ENOSF1: variants seen among roughly 807,000 people sequenced by gnomAD.
The protein encoded by ENOSF1 is enolase superfamily member 1.
ENOSF1 carries 73 observed loss-of-function variants against 68.2 expected under a neutral mutation model. That is an observed-to-expected ratio of 1.07 (90% confidence interval 0.89 to 1.30). The LOEUF (loss-of-function observed/expected upper bound fraction) is 1.30, where lower values mean the gene tolerates loss of function less well. Ranked by LOEUF, ENOSF1 falls within the 50% of genes most tolerant of loss-of-function variation. ENOSF1 has a pLI of 0.00. For synonymous variants in ENOSF1, 223 were observed against 210.4 expected, an observed-to-expected ratio of 1.06 and a Z score of -0.52; for missense variants, 589 against 554.5, an observed-to-expected ratio of 1.06 and a Z score of -0.62.
chr18:696,057 G>C (rs1182118003), intron 3 of ENOSF1, among the ~76,000 whole-genome samples: 2 of 152,080 alleles, frequency 1.3e-5, no homozygotes, highest in East Asian at 3.9e-4. Context: ...TATTGTGTTG[G>C]AATCCTTTCT....
At position 691,228 on chromosome 18, in the gene ENOSF1, C is replaced by A; in HGVS notation, c.472G>T (p.Val158Phe). Reference sequence around the variant, plus strand: ...CCTAGGGCATCCTCCTCAGTCAGGACATCAGTGATGTACCTGAAATCTATG... The same window carrying A: ...CCTAGGGCATCCTCCTCAGTCAGGAAATCAGTGATGTACCTGAAATCTATG... Reference protein sequence around the residue: ...SCIDFRYITDVLTEEDALEIL... With the variant: ...SCIDFRYITDFLTEEDALEIL... The change falls in exon 6 of 16, where the codon GTC becomes TTC. Residue 158 changes from valine to phenylalanine, a missense_variant. Val to Phe is a conservative substitution (Grantham distance 50). Coordinates refer to ENST00000647584, the MANE Select transcript of ENOSF1 (RefSeq NM_017512.7). 6.2e-7 allele frequency: 1 copy of A among 1,614,220 alleles called. No individual in the cohort carries two copies. The highest frequency in any genetic ancestry group is 8.5e-7 in the Non-Finnish European group (1 of 1,180,040).
intron 5 of ENOSF1, chr18:693,580 T>A: frequency 1.0e-6 from 1 of 985,426 alleles, no homozygotes; most frequent in Non-Finnish European, 1.2e-6. Context: ...GTTAGGATGA[T>A]CCTCTTGTCA....
intron 14 of ENOSF1, among the ~76,000 whole-genome samples, chr18:676,219 G>A (rs954225109): frequency 3.3e-5 from 5 of 152,136 alleles, no homozygotes; most frequent in Admixed American, 6.6e-5. Context: ...GACTTCCATC[G>A]CCTGTTATTG....
intron 8 of ENOSF1, 144 bp downstream of exon 8, chr18:690,405 G>A (rs2077023620): frequency 1.2e-6 from 1 of 850,546 alleles, no homozygotes; most frequent in Non-Finnish European, 1.9e-6. Flanking sequence ...ACAGAGAAGT[G>A]GAGAACTGGT....
At chr18:678,245 G>C (rs1397466818) in intron 12 of ENOSF1, 8 of 287,354 alleles carry the variant, frequency 2.8e-5, no homozygotes, top group Non-Finnish European at 5.3e-5. Context: ...CGGCAGAGCA[G>C]TATTGCTCCT....
chr18:669,067 T>A, downstream of ENOSF1: 1 of 1,612,844 alleles, frequency 6.2e-7, no homozygotes, highest in Non-Finnish European at 8.5e-7. Flanking sequence ...TTGACAATTC[T>A]ACAGATTATT....
chr18:693,419 C>A, intron 5 of ENOSF1: 1 of 1,137,296 alleles, frequency 8.8e-7, no homozygotes. Context: ...GGGCTCAAGC[C>A]ATCCTCCAGC....
intron 8 of ENOSF1, among the ~76,000 whole-genome samples, chr18:689,541 CA>C (rs761752652): frequency 1.3e-5 from 2 of 152,146 alleles, no homozygotes; most frequent in Non-Finnish European, 2.9e-5. Flanking sequence ...CTCAGCCTCC[CA>C]AAATGCTAGG....
downstream of ENOSF1, among the ~76,000 whole-genome samples, chr18:670,064 G>C (rs1347137659): frequency 5.7e-5 from 8 of 140,064 alleles, no homozygotes; most frequent in Non-Finnish European, 9.2e-5. Context: ...TTTTTTTTGA[G>C]ACACAGTCTC....
In ENOSF1 at chr18:694,229, C is replaced by CA. The variant is rs2077491726; in HGVS notation, c.396+18_396+19insT. 6.2e-7 allele frequency: 1 copy of CA among 1,612,292 alleles called. No homozygotes were observed. The highest frequency in any genetic ancestry group is 2.2e-5 in the East Asian group (1 of 44,878). Reference sequence around the variant, plus strand: ...GTACAGCTCCCAGGAGCCTCCTGAGCGTTTGTGAGAGGGGTTACCTTTCCC... The same window carrying CA: ...GTACAGCTCCCAGGAGCCTCCTGAGCAGTTTGTGAGAGGGGTTACCTTTCCC... On this transcript the variant is annotated intron_variant, in intron 4 of 15. Coordinates refer to ENST00000647584, the MANE Select transcript of ENOSF1 (RefSeq NM_017512.7).
chr18:678,502 G>T, intron 12 of ENOSF1, 194 bp downstream of exon 12: 2 of 564,906 alleles, frequency 3.5e-6, no homozygotes, highest in Non-Finnish European at 3.2e-6. Flanking sequence ...ATATAAATTG[G>T]AGAAATAGCC....
downstream of ENOSF1, chr18:669,057 T>C: frequency 6.2e-7 from 1 of 1,609,356 alleles, no homozygotes. Context: ...TCCTCTCTTT[T>C]TGACAATTCT....
intron 11 of ENOSF1, among the ~76,000 whole-genome samples, chr18:679,082 T>C (rs994038215): frequency 2.0e-5 from 3 of 152,182 alleles, no homozygotes; most frequent in African/African-American, 7.2e-5. Flanking sequence ...GACAGGGCTA[T>C]TCGGAGTGGC....
Position 672,980 on chromosome 18 carries a change from A to C in ENOSF1, c.*1325T>G, listed in dbSNP as rs2075135895. 1 of 1,571,056 alleles carries C rather than the reference A, an allele frequency of 6.4e-7. No homozygotes were observed. The highest frequency in any genetic ancestry group is 1.3e-5 in the African/African-American group (1 of 74,424). On this transcript the variant is annotated 3_prime_UTR_variant, in exon 16 of 16. Coordinates refer to ENST00000647584, the MANE Select transcript of ENOSF1 (RefSeq NM_017512.7). ...GTACAATCCGCATCCAACTATTAAA[A>C]TGGAAATGGCTGTTTAGGGTGCTTT...
intron 12 of ENOSF1, 38 bp downstream of exon 12, chr18:678,658 C>T: frequency 6.2e-7 from 1 of 1,610,786 alleles, no homozygotes; most frequent in South Asian, 1.1e-5. Flanking sequence ...GTACTGACCC[C>T]AAGGGGACGT....
chr18:670,042 CTT>C (rs1294532735), downstream of ENOSF1, among the ~76,000 whole-genome samples: 8 of 128,612 alleles, frequency 6.2e-5, no homozygotes, highest in South Asian at 5.4e-4. Context: ...GTAATAGAGA[CTT>C]ATTTTTTTTT....
chr18:677,271 G>C (rs892354223), intron 14 of ENOSF1, 74 bp downstream of exon 14: 2 of 1,243,372 alleles, frequency 1.6e-6, no homozygotes, highest in African/African-American at 3.0e-5. Flanking sequence ...TGGTCATGAA[G>C]GCAGAATTTA....
At chr18:665,218 G>C in the ENOSF1 span, among the ~76,000 whole-genome samples, 1 of 151,006 alleles carries the variant, frequency 6.6e-6, no homozygotes, top group African/African-American at 2.4e-5. Flanking sequence ...TCTATTCAGA[G>C]ATTCAACTTC....
In ENOSF1 at chr18:691,100, A is replaced by T. The variant is rs2077112338; in HGVS notation, c.503T>A (p.Leu168Gln). Residue 168 changes from leucine to glutamine, a missense_variant, in exon 7 of 16, where the codon CTG (leucine) becomes CAG (glutamine). Transcript: ENST00000647584. ...TTTTTTACCAATTTGACCTTTCTGC[A>T]GTATTTCTGGAAGAAATAAAAAGCA... The part of the protein sequence containing the change: ...VLTEEDALEI[L>Q]QKGQIGKKER... 1 of 1,614,108 alleles carries T rather than the reference A, an allele frequency of 6.2e-7. No homozygotes were observed. Among genetic ancestry groups the T allele is most frequent in the Non-Finnish European group, 8.5e-7 (1 of 1,180,028 alleles).
Sources: allele counts gnomAD v4.1 joint callset (sites outside exome capture counted in the v4.1 genomes callset), GRCh38; gene constraint gnomAD v4.1.1; transcripts MANE v1.5; gene names NCBI Gene and HGNC (gene_info 2026-07-23, HGNC 2026-07-21).